DPP10: variants seen among roughly 807,000 people sequenced by gnomAD.
The protein encoded by DPP10 is dipeptidyl peptidase like 10.
Under a neutral mutation model 120.9 loss-of-function variants are expected in DPP10, and 33 were observed. The ratio of observed to expected loss-of-function variants is 0.27; its 90% CI spans 0.21 to 0.37. The LOEUF (loss-of-function observed/expected upper bound fraction) is 0.37. Among genes scored for constraint, DPP10 ranks in the 10% least tolerant of loss-of-function variants. DPP10 has a pLI of 1.00. For synonymous variants in DPP10, 337 were observed against 326.1 expected (o/e 1.03, Z -0.36); for missense variants, 816 against 942.8 (o/e 0.87, Z 1.76).
intron 5 of DPP10, among the ~76,000 whole-genome samples, chr2:115,565,932 T>C (rs1019561325): frequency 3.9e-5 from 6 of 151,946 alleles, no homozygotes; most frequent in Non-Finnish European, 8.8e-5. Context: ...ATTATAGGCA[T>C]GCGCCACCAA....
intron 1 of DPP10, among the ~76,000 whole-genome samples, chr2:114,647,985 C>T (rs1000350813): frequency 1.3e-5 from 2 of 152,086 alleles, no homozygotes; most frequent in African/African-American, 4.8e-5. Flanking sequence ...ATTTGTTTAA[C>T]AAACATCCTT....
chr2:114,989,091 T>G (rs781454407), intron 1 of DPP10, among the ~76,000 whole-genome samples: 5 of 152,220 alleles, frequency 3.3e-5, no homozygotes, highest in Non-Finnish European at 5.9e-5. Context: ...CAAGTGTATA[T>G]TAGACAGAAG....
At position 114,797,965 on chromosome 2, in the gene DPP10, A is replaced by G. The variant is rs565068617; in HGVS notation, c.60+355127A>G. On this transcript the variant is annotated intron_variant, in intron 1 of 25. Coordinates refer to ENST00000410059, the MANE Select transcript of DPP10 (RefSeq NM_020868.6). The stretch of plus-strand genomic sequence containing the variant: ...ATCTCCAGCATGTTATGTGGATATC[A>G]TGGGCTCCTTGTCATTCTGTGAACT... 1.2e-3 allele frequency among the ~76,000 whole-genome samples: 177 copies of G among 152,068 alleles called. 1 individual carries two copies. Among genetic ancestry groups the G allele is most frequent in the African/African-American group, 4.0e-3 (167 of 41,526 alleles).
chr2:114,765,531 G>C (rs538096408), intron 1 of DPP10, among the ~76,000 whole-genome samples: 14 of 152,094 alleles, frequency 9.2e-5, no homozygotes, highest in Non-Finnish European at 1.9e-4. Context: ...TTGTGGCCGA[G>C]GACAGGCTTC....
chr2:115,790,121 G>A (rs1046627863), intron 17 of DPP10, among the ~76,000 whole-genome samples: 4 of 148,100 alleles, frequency 2.7e-5, no homozygotes, highest in African/African-American at 5.0e-5. Flanking sequence ...CGCCCAGGCC[G>A]GACTGCGGAC....
At chr2:114,658,405 G>A (rs545941193) in intron 1 of DPP10, among the ~76,000 whole-genome samples, 3 of 152,092 alleles carry the variant, frequency 2.0e-5, no homozygotes, top group African/African-American at 7.2e-5. Context: ...TGGCAAATAA[G>A]TTTCAAAAGT....
At chr2:115,771,000 T>C (rs1681391423) in intron 13 of DPP10, among the ~76,000 whole-genome samples, 1 of 152,174 alleles carries the variant, frequency 6.6e-6, no homozygotes, top group Non-Finnish European at 1.5e-5. Flanking sequence ...TTTATATTTT[T>C]CTTAAATGTG....
At chr2:115,689,783 T>G (rs1378443806) in intron 6 of DPP10, 44 bp downstream of exon 6, 6 of 1,608,476 alleles carry the variant, frequency 3.7e-6, no homozygotes, top group Non-Finnish European at 4.3e-6. Flanking sequence ...ATTGTGTTAC[T>G]AAATTGTTGG....
chr2:115,241,688 C>T (rs1220300537), intron 1 of DPP10, among the ~76,000 whole-genome samples: 3 of 152,158 alleles, frequency 2.0e-5, no homozygotes, highest in South Asian at 4.1e-4. Context: ...TTCTTCATAG[C>T]TTTTCATTAG....
intron 1 of DPP10, among the ~76,000 whole-genome samples, chr2:114,932,822 A>T (rs1696179701): frequency 6.6e-6 from 1 of 152,202 alleles, no homozygotes; most frequent in African/African-American, 2.4e-5. Context: ...AAGAGAAAAG[A>T]AAAAATAACT....
chr2:115,413,110 C>G (rs570220959), intron 3 of DPP10, among the ~76,000 whole-genome samples: 1 of 152,156 alleles, frequency 6.6e-6, no homozygotes, highest in Non-Finnish European at 1.5e-5. Context: ...AGCACCATGC[C>G]CCTGAGACCT....
chr2:114,690,230 T>C (rs1699645265), intron 1 of DPP10, among the ~76,000 whole-genome samples: 1 of 152,130 alleles, frequency 6.6e-6, no homozygotes, highest in Admixed American at 6.6e-5. Flanking sequence ...TACATTTAAG[T>C]CTTTTGTATG....
intron 21 of DPP10, among the ~76,000 whole-genome samples, chr2:115,833,532 C>G (rs1399333115): frequency 2.0e-5 from 3 of 152,142 alleles, no homozygotes; most frequent in Non-Finnish European, 4.4e-5. Flanking sequence ...ACAGGTTCAA[C>G]GTACCTAATC....
intron 1 of DPP10, among the ~76,000 whole-genome samples, chr2:115,278,592 G>T (rs992708692): frequency 6.6e-6 from 1 of 152,136 alleles, no homozygotes; most frequent in South Asian, 2.1e-4. Flanking sequence ...TCTACTTATG[G>T]TGGAAGGCAA....
At chr2:115,201,327 G>A (rs1158765072) in intron 1 of DPP10, among the ~76,000 whole-genome samples, 3 of 152,120 alleles carry the variant, frequency 2.0e-5, no homozygotes. Context: ...GCCGAATGTG[G>A]TGGTGCATGC....
chr2:115,588,555 G>A (rs145100290), intron 5 of DPP10, among the ~76,000 whole-genome samples: 5 of 152,142 alleles, frequency 3.3e-5, no homozygotes, highest in Non-Finnish European at 5.9e-5. Context: ...AGCAAGAGTC[G>A]CACATAGCTG....
chr2:115,343,808 T>G lies in DPP10; in HGVS notation c.176-9T>G. ...ATAGGCATCTAACCTAGAATTTCCT[T>G]TATTTTAGATGAACTCACAAATTCG... On this transcript the variant is annotated splice_polypyrimidine_tract_variant and intron_variant, in intron 2 of 25. Transcript: ENST00000410059. 1 of 1,599,820 alleles carries G rather than the reference T, an allele frequency of 6.3e-7. No individual in the cohort carries two copies. Among genetic ancestry groups the G allele is most frequent in the Non-Finnish European group, 8.5e-7 (1 of 1,173,474 alleles).
At chr2:115,737,594 C>T (rs182680437) in intron 8 of DPP10, among the ~76,000 whole-genome samples, 1 of 152,190 alleles carries the variant, frequency 6.6e-6, no homozygotes, top group East Asian at 1.9e-4. Flanking sequence ...CTGCTGGAGT[C>T]ACAAGGTTCA....
At chr2:115,173,464 A>G (rs957555517) in intron 1 of DPP10, among the ~76,000 whole-genome samples, 8 of 152,196 alleles carry the variant, frequency 5.3e-5, no homozygotes, top group Admixed American at 2.6e-4. Flanking sequence ...AGAAAAAGGT[A>G]TTTTAGAGAG....
Sources: allele counts gnomAD v4.1 joint callset (sites outside exome capture counted in the v4.1 genomes callset), GRCh38; gene constraint gnomAD v4.1.1; transcripts MANE v1.5; gene names NCBI Gene and HGNC (gene_info 2026-07-23, HGNC 2026-07-21).